The following PCDHA10 variants were observed in gnomAD, a reference collection of about 807,000 sequenced individuals.
PCDHA10 encodes the protein protocadherin alpha-10.
PCDHA10 carries 45 observed loss-of-function variants against 61.2 expected under a neutral mutation model. The ratio of observed to expected loss-of-function variants is 0.74; its 90% CI spans 0.58 to 0.94. The LOEUF is 0.94. Ranked by LOEUF, PCDHA10 falls within the 40% of genes least tolerant of loss-of-function variation. The pLI, the probability that PCDHA10 is intolerant of heterozygous loss-of-function variation, is 0.00. For synonymous variants in PCDHA10, 602 were observed against 548.8 expected, an observed-to-expected ratio of 1.10 and a Z score of -1.35; for missense variants, 1,278 against 1,236.2, an observed-to-expected ratio of 1.03 and a Z score of -0.51.
chr5:140,969,393 C>T, intron 1 of PCDHA10: 1 of 1,590,146 alleles, frequency 6.3e-7, no homozygotes. Flanking sequence ...CCCCCAATAT[C>T]CTGTGATTTG....
rs782568393 is a variant in PCDHA10 at position 141,011,637 on chromosome 5, C to G, written c.*1700C>G. The G allele has an allele frequency of 2.0e-5, 3 of 153,526 alleles. No homozygotes were observed. Among genetic ancestry groups the G allele is most frequent in the Non-Finnish European group, 4.4e-5 (3 of 68,022 alleles). The allele number at this position is 153,526 out of a possible 1,614,324, so 9.5% of individuals were successfully genotyped here. ...GGTCCAGCCAAGAGCCATCTCGTGC[C>G]AAGACTTCTGCTGGCAAGGGAATGG... is the stretch of plus-strand genomic sequence containing the variant. On this transcript the variant is annotated 3_prime_UTR_variant, in exon 4 of 4. Transcript: ENST00000307360.
chr5:140,869,896 A>T (rs781921753), intron 1 of PCDHA10: 7 of 1,610,768 alleles, frequency 4.3e-6, no homozygotes, highest in Non-Finnish European at 4.2e-6. Context: ...GCTCAAACTA[A>T]ACGCCACAGA....
At chr5:140,878,153 A>G (rs554763085) in intron 1 of PCDHA10, 21 of 178,230 alleles carry the variant, frequency 1.2e-4, no homozygotes, top group Non-Finnish European at 2.3e-4. Context: ...TGATAACTTA[A>G]AAATTTAATT....
intron 1 of PCDHA10, among the ~76,000 whole-genome samples, chr5:140,972,039 C>A (rs1274808907): frequency 2.6e-5 from 4 of 152,150 alleles, no homozygotes; most frequent in African/African-American, 9.7e-5. Context: ...TTTAAGCTAT[C>A]ACTAATTCAC....
intron 1 of PCDHA10, among the ~76,000 whole-genome samples, chr5:140,964,595 T>G (rs1233382494): frequency 6.6e-6 from 1 of 152,116 alleles, no homozygotes; most frequent in East Asian, 1.9e-4. Context: ...TCACTTTTCA[T>G]GACAACTTAC....
chr5:140,890,283 A>G (rs1554184241), intron 1 of PCDHA10, among the ~76,000 whole-genome samples: 2 of 152,192 alleles, frequency 1.3e-5, no homozygotes, highest in Admixed American at 1.3e-4. Flanking sequence ...CACTCAGTTG[A>G]GTCAGAACCA....
In PCDHA10 at chr5:140,987,930, G is replaced by T. The variant is rs554856826; in HGVS notation, c.2536+5367G>T. Among the ~76,000 whole-genome samples, 18 of 152,196 alleles carry T rather than the reference G, an allele frequency of 1.2e-4. No individual in the cohort carries two copies. The South Asian group carries it at 2.1e-3, about 18-fold the overall frequency. Reference sequence around the variant, plus strand: ...GATTTATATTCTTAATTGTCTCAAGGATTCTTACCTGTCTGACAAAACCAA... The same window carrying T: ...GATTTATATTCTTAATTGTCTCAAGTATTCTTACCTGTCTGACAAAACCAA... On this transcript the variant is annotated intron_variant, in intron 3 of 3. Transcript: ENST00000307360.
At chr5:140,918,848 G>T (rs2078891260) in intron 1 of PCDHA10, among the ~76,000 whole-genome samples, 1 of 152,134 alleles carries the variant, frequency 6.6e-6, no homozygotes, top group Admixed American at 6.5e-5. Flanking sequence ...TAAATCTGCT[G>T]GTGCCTGAAT....
intron 1 of PCDHA10, chr5:140,870,359 C>T (rs781862161): frequency 2.5e-6 from 4 of 1,614,204 alleles, no homozygotes; most frequent in Middle Eastern, 1.6e-4. Context: ...AACGTGTGGG[C>T]CTATGAACTG....
intron 1 of PCDHA10, among the ~76,000 whole-genome samples, chr5:140,963,886 T>C (rs1211703076): frequency 6.6e-6 from 1 of 152,236 alleles, no homozygotes; most frequent in African/African-American, 2.4e-5. Flanking sequence ...TTGTTTTCCT[T>C]AATTAAAATG....
rs781892034 is a variant in PCDHA10, at chr5:140,968,314, G to A, written c.2389-10635G>A. ...TTCTGGAGAGGGAGATTCAAGGGCT[G>A]CCAGTCACCTCCTATGTCTCCATTA... On this transcript the variant is annotated intron_variant, in intron 1 of 3. Transcript: ENST00000307360. The A allele has an allele frequency of 2.5e-6, 4 of 1,613,960 alleles. No individual in the cohort carries two copies. The South Asian group carries it at 4.4e-5, about 18-fold the overall frequency.
chr5:140,883,850 C>G (rs369951260), intron 1 of PCDHA10: 31 of 1,612,792 alleles, frequency 1.9e-5, no homozygotes, highest in African/African-American at 4.0e-5. Flanking sequence ...CCACGAGGAG[C>G]TGGAGCTGTT....
At chr5:140,899,948 C>A (rs2067639860) in intron 1 of PCDHA10, among the ~76,000 whole-genome samples, 1 of 151,682 alleles carries the variant, frequency 6.6e-6, no homozygotes, top group South Asian at 2.1e-4. Context: ...GCTGGGACCA[C>A]AGGCATGTGC....
At chr5:140,991,481 A>G (rs1272675537) in intron 3 of PCDHA10, among the ~76,000 whole-genome samples, 3 of 152,226 alleles carry the variant, frequency 2.0e-5, no homozygotes, top group Non-Finnish European at 2.9e-5. Flanking sequence ...TCTGGAAGTC[A>G]GAAGTCCACA....
At chr5:140,883,324 C>A (rs782213205) in intron 1 of PCDHA10, 1 of 1,614,166 alleles carries the variant, frequency 6.2e-7, no homozygotes, top group Non-Finnish European at 8.5e-7. Context: ...AGGTTACCAT[C>A]ACTTCTTTGT....
At chr5:140,875,504 C>G (rs1554167711) in intron 1 of PCDHA10, 2 of 1,613,462 alleles carry the variant, frequency 1.2e-6, no homozygotes, top group African/African-American at 2.7e-5. Context: ...GGCCCGGGAT[C>G]CCAGCGTCTG....
chr5:141,005,255 CACTGGTGATACATTGGTGAAT>C (rs1319250318), intron 3 of PCDHA10, among the ~76,000 whole-genome samples: 1 of 152,182 alleles, frequency 6.6e-6, no homozygotes, highest in African/African-American at 2.4e-5. Context: ...TTGTGCTAGG[CACTGGTGATACATTGGTGAAT>C]AAACAGATAC....
intron 1 of PCDHA10, among the ~76,000 whole-genome samples, chr5:140,893,478 C>T (rs1365540423): frequency 2.6e-5 from 4 of 151,996 alleles, no homozygotes; most frequent in African/African-American, 9.7e-5. Flanking sequence ...CATAGCAAGA[C>T]CCTGTTCTTC....
Position 141,009,632 on chromosome 5 carries a change from G to A in PCDHA10, c.2542G>A (p.Glu848Lys). 1 of 1,613,032 alleles carries A rather than the reference G, an allele frequency of 6.2e-7. No individual in the cohort carries two copies. Among genetic ancestry groups the A allele is most frequent in the Non-Finnish European group, 8.5e-7 (1 of 1,179,354 alleles). The change falls in exon 4 of 4, where the codon GAG (glutamate) becomes AAG (lysine). Residue 848 changes from glutamate to lysine, a missense_variant. Transcript: ENST00000307360. The stretch of plus-strand genomic sequence containing the variant: ...TGTAATGTTTTGTCTTTCAGAACCA[G>A]AGGCAGGAGAAGTGTCCCCTCCAGT... ...PTVSSATPEP[E>K]AGEVSPPVGA...
Sources: allele counts gnomAD v4.1 joint callset (sites outside exome capture counted in the v4.1 genomes callset), GRCh38; gene constraint gnomAD v4.1.1; transcripts MANE v1.5; gene names NCBI Gene and HGNC (gene_info 2026-07-23, HGNC 2026-07-21).